The following CHRM3 variants were observed in gnomAD, a reference collection of about 807,000 sequenced individuals.
CHRM3 encodes the protein muscarinic acetylcholine receptor M3.
A neutral mutation model predicts 41.8 loss-of-function variants in CHRM3; 11 were observed. The observed-to-expected ratio is 0.26, with a 90% CI of 0.17 to 0.44. The LOEUF is 0.44. Among genes scored for constraint, CHRM3 ranks in the 20% least tolerant of loss-of-function variants. The pLI, the probability that CHRM3 is intolerant of heterozygous loss-of-function variation, is 1.00. For missense variants in CHRM3, 571 were observed against 745.4 expected, an observed-to-expected ratio of 0.77 and a Z score of 2.72; for synonymous variants, 297 against 301.4, an observed-to-expected ratio of 0.99 and a Z score of 0.15.
intron 5 of CHRM3, among the ~76,000 whole-genome samples, chr1:239,724,681 A>C: frequency 6.6e-6 from 1 of 151,922 alleles, no homozygotes; most frequent in East Asian, 1.9e-4. Flanking sequence ...TCACATAGAT[A>C]TTCCAAATAT....
At position 239,512,678 on chromosome 1, in the gene CHRM3, G is replaced by C. The variant is rs1055867829; in HGVS notation, c.-422+19871G>C. On this transcript the variant is annotated intron_variant, in intron 2 of 6. Coordinates refer to ENST00000676153, the MANE Select transcript of CHRM3 (RefSeq NM_001375978.1). ...CTCTCACTCTTTATTTCTTCTTTCT[G>C]TTCCTTTACTGTGAACATTCTTTTC... is the stretch of plus-strand genomic sequence containing the variant. Among the ~76,000 whole-genome samples, 4 of 148,870 alleles carry C rather than the reference G, an allele frequency of 2.7e-5. No individual in the cohort carries two copies. The Admixed American group carries it at 2.7e-4, about 10-fold the overall frequency.
chr1:239,744,411 G>A (rs1408767954), intron 5 of CHRM3, among the ~76,000 whole-genome samples: 1 of 152,104 alleles, frequency 6.6e-6, no homozygotes, highest in African/African-American at 2.4e-5. Flanking sequence ...GCAATTTTAG[G>A]TAGGAATTTC....
intron 6 of CHRM3, among the ~76,000 whole-genome samples, chr1:239,865,485 A>T (rs1210231000): frequency 2.0e-5 from 3 of 152,232 alleles, no homozygotes; most frequent in Non-Finnish European, 2.9e-5. Flanking sequence ...AGGACAGGGA[A>T]TATGGCAGGA....
Position 239,764,658 on chromosome 1 carries a change from C to G in CHRM3, c.-146-62594C>G, listed in dbSNP as rs192615931. On this transcript the variant is annotated intron_variant, in intron 5 of 6. Transcript: ENST00000676153. ...AGATGCCTGCTGCTGTTGTCCATAA[C>G]AGAAAACAATTATGTTAACAGGCAA... 9.9e-4 allele frequency among the ~76,000 whole-genome samples: 151 copies of G among 152,322 alleles called. 1 individual carries two copies. Among genetic ancestry groups the G allele is most frequent in the African/African-American group, 3.0e-3 (124 of 41,570 alleles).
chr1:239,582,269 C>T (rs944145243), intron 3 of CHRM3, among the ~76,000 whole-genome samples: 2 of 152,160 alleles, frequency 1.3e-5, no homozygotes, highest in Non-Finnish European at 2.9e-5. Flanking sequence ...AGAAAAGTAG[C>T]AGGCTTACTT....
chr1:239,582,242 G>A (rs1353316307), intron 3 of CHRM3, among the ~76,000 whole-genome samples: 1 of 152,126 alleles, frequency 6.6e-6, no homozygotes, highest in Non-Finnish European at 1.5e-5. Flanking sequence ...AGAGGATTTG[G>A]AGTGCTCTGT....
chr1:239,417,461 C>T (rs1488108433), intron 1 of CHRM3, among the ~76,000 whole-genome samples: 1 of 151,786 alleles, frequency 6.6e-6, no homozygotes, highest in African/African-American at 2.4e-5. Flanking sequence ...GAACGGTTAA[C>T]TTCGTTATGA....
chr1:239,638,140 A>G (rs2148903053), intron 4 of CHRM3, among the ~76,000 whole-genome samples: 1 of 150,680 alleles, frequency 6.6e-6, no homozygotes, highest in South Asian at 2.1e-4. Context: ...TATGTGCCAC[A>G]TTTTCTTAAT....
At chr1:239,815,233 G>T (rs992491192) in intron 5 of CHRM3, among the ~76,000 whole-genome samples, 2 of 152,194 alleles carry the variant, frequency 1.3e-5, no homozygotes, top group African/African-American at 4.8e-5. Context: ...GAAAGTAGCT[G>T]TGCTGATTTA....
At chr1:239,449,901 A>G (rs1057354598) in intron 1 of CHRM3, among the ~76,000 whole-genome samples, 2 of 152,100 alleles carry the variant, frequency 1.3e-5, no homozygotes, top group Non-Finnish European at 2.9e-5. Context: ...CAGCAACGTG[A>G]ATTACTGGGG....
intron 4 of CHRM3, among the ~76,000 whole-genome samples, chr1:239,649,445 G>T (rs758051961): frequency 1.3e-5 from 2 of 151,580 alleles, no homozygotes; most frequent in Non-Finnish European, 2.9e-5. Context: ...TAGAAAAGAC[G>T]TAAGTCTGAT....
At chr1:239,444,826 G>A (rs1664005557) in intron 1 of CHRM3, among the ~76,000 whole-genome samples, 1 of 152,140 alleles carries the variant, frequency 6.6e-6, no homozygotes, top group Non-Finnish European at 1.5e-5. Context: ...TGAACTAAGA[G>A]GTGGGATTAG....
chr1:239,528,968 C>G (rs1383490051), intron 2 of CHRM3, among the ~76,000 whole-genome samples: 2 of 152,134 alleles, frequency 1.3e-5, no homozygotes, highest in Admixed American at 1.3e-4. Context: ...GAATAACCCC[C>G]GAAAACAATG....
intron 6 of CHRM3, among the ~76,000 whole-genome samples, chr1:239,867,505 T>C (rs1676215973): frequency 6.6e-6 from 1 of 152,154 alleles, no homozygotes; most frequent in African/African-American, 2.4e-5. Context: ...CTGGCCAACA[T>C]GGTGAAACCC....
At chr1:239,519,809 A>G (rs942251652) in intron 2 of CHRM3, among the ~76,000 whole-genome samples, 4 of 123,468 alleles carry the variant, frequency 3.2e-5, no homozygotes, top group Non-Finnish European at 4.7e-5. Flanking sequence ...GTGCAGTGGC[A>G]CGATCTTGGC....
chr1:239,629,969 C>T (rs1418339936), intron 3 of CHRM3, among the ~76,000 whole-genome samples: 8 of 152,128 alleles, frequency 5.3e-5, no homozygotes, highest in Non-Finnish European at 8.8e-5. Context: ...GAGATTTGAA[C>T]CTCATCTCTA....
intron 2 of CHRM3, among the ~76,000 whole-genome samples, chr1:239,512,259 G>C (rs922412296): frequency 1.7e-4 from 26 of 152,216 alleles, no homozygotes; most frequent in African/African-American, 5.8e-4. Context: ...GCTGCAGGTC[G>C]AGTTCAGGGC....
chr1:239,509,009 C>T (rs1004104554), intron 2 of CHRM3, among the ~76,000 whole-genome samples: 2 of 152,162 alleles, frequency 1.3e-5, no homozygotes, highest in African/African-American at 4.8e-5. Flanking sequence ...AGCAAAAAGA[C>T]TAGGTCTGTG....
At chr1:239,478,260 C>T (rs749644766) in intron 1 of CHRM3, among the ~76,000 whole-genome samples, 6 of 152,110 alleles carry the variant, frequency 3.9e-5, no homozygotes, top group Non-Finnish European at 8.8e-5. Context: ...TGAACTCATC[C>T]CCACACTGGC....
Sources: allele counts gnomAD v4.1 joint callset (sites outside exome capture counted in the v4.1 genomes callset), GRCh38; gene constraint gnomAD v4.1.1; transcripts MANE v1.5; gene names NCBI Gene and HGNC (gene_info 2026-07-23, HGNC 2026-07-21).